DNAH1: variants seen among roughly 807,000 people sequenced by gnomAD.
DNAH1 encodes the protein axonemal beta dynein heavy chain 1.
In DNAH1, 327 loss-of-function variants were observed where a neutral mutation model predicts 484.3. That is an observed-to-expected ratio of 0.68 (90% CI 0.62 to 0.74). DNAH1 has a LOEUF of 0.74. Among genes scored for constraint, DNAH1 ranks in the 30% least tolerant of loss-of-function variants. The pLI is 0.00. For synonymous variants in DNAH1, 2,192 were observed against 2,191.9 expected (o/e 1.00, Z 0.00); for missense variants, 5,052 against 5,546.8 (o/e 0.91, Z 2.83).
intron 52 of DNAH1, 58 bp from the exon 53 acceptor site, chr3:52,384,728 A>C (rs550576020): frequency 6.7e-7 from 1 of 1,485,476 alleles, no homozygotes; most frequent in East Asian, 2.5e-5. Flanking sequence ...GTGGGCACCC[A>C]GTCCCTGTCT....
Position 52,344,499 on chromosome 3 carries a change from G to A in DNAH1, c.1296G>A (p.Glu432=), listed in dbSNP as rs372935195. ...CCATCTCTATGGGCAGGGTTCTAGA[G>A]CACCTCAGCAGTCTTGCCAGAGAAG... ...PRMRKGPSVL[E]HLSSLAREVS... is the part of the protein sequence containing the mutation. The change falls in exon 9 of 78, where the codon GAG becomes GAA. Residue 432 remains glutamate (E), a synonymous_variant. Coordinates refer to ENST00000420323, the MANE Select transcript of DNAH1 (RefSeq NM_015512.5). 2 of 1,613,784 alleles carry A rather than the reference G, an allele frequency of 1.2e-6. No homozygotes were observed. Among genetic ancestry groups the A allele is most frequent in the Non-Finnish European group, 1.7e-6 (2 of 1,179,800 alleles).
chr3:52,397,478 AG>A (rs1316630673), intron 73 of DNAH1, among the ~76,000 whole-genome samples: 1 of 152,106 alleles, frequency 6.6e-6, no homozygotes, highest in East Asian at 1.9e-4. Flanking sequence ...CACTGAATAG[AG>A]GGGCAGGGAA....
In DNAH1 at chr3:52,366,479, G is replaced by A; in HGVS notation, c.5541G>A (p.Gln1847=). The part of the protein sequence containing the change: ...DVEGFLTKCI[Q]LYETTVVRHG... ...CAGGCTTCCTGACAAAGTGCATCCA[G>A]CTCTACGAGACCACGGTGGTACGAC... is the stretch of plus-strand genomic sequence containing the variant. Residue 1847 remains glutamine (Q), a synonymous_variant, in exon 35 of 78, where the codon CAG becomes CAA. Transcript: ENST00000420323. 6.2e-7 allele frequency: 1 copy of A among 1,600,510 alleles called. No individual in the cohort carries two copies.
At chr3:52,400,260 C>G (rs750271858) in intron 77 of DNAH1, 65 bp from the exon 78 acceptor site, 2 of 1,600,214 alleles carry the variant, frequency 1.2e-6, no homozygotes, top group Non-Finnish European at 1.7e-6. Context: ...TGCCCTGCCC[C>G]TACGCTATCC....
chr3:52,345,591 G>A lies in DNAH1; in HGVS notation c.1541G>A (p.Ser514Asn), dbSNP rs1363023463. The stretch of plus-strand genomic sequence containing the variant: ...CGGCCAGAGGTCATCACGGCCCTCA[G>A]CAAGGTGAGGGCCGAGTGCAACAAG... ...LTRPEVITAL[S>N]KVRAECNKVT... Residue 514 changes from serine to asparagine, a missense_variant, in exon 10 of 78, where the codon AGC becomes AAC. Around this residue, in one of 4 missense-constraint regions of DNAH1, gnomAD observed 1,263 missense variants for 1,218.8 expected, o/e 1.04. Transcript: ENST00000420323. The A allele has an allele frequency of 6.2e-7, 1 of 1,604,232 alleles. No individual in the cohort carries two copies. The highest frequency in any genetic ancestry group is 8.5e-7 in the Non-Finnish European group (1 of 1,175,156).
chr3:52,340,296 G>A (rs571105354), intron 8 of DNAH1, among the ~76,000 whole-genome samples: 29 of 151,972 alleles, frequency 1.9e-4, no homozygotes, highest in African/African-American at 7.0e-4. Flanking sequence ...TGCCCAGGCT[G>A]GTCTCGAATT....
chr3:52,326,579 C>T (rs919867379), intron 4 of DNAH1, among the ~76,000 whole-genome samples, 156 bp from the exon 5 acceptor site: 5 of 152,130 alleles, frequency 3.3e-5, no homozygotes, highest in African/African-American at 1.2e-4. Context: ...CCAGCCACCA[C>T]ACCACTTCCT....
rs759836589 is a variant in DNAH1, at chr3:52,353,351, C to G, written c.3227-29C>G. On this transcript the variant is annotated intron_variant, in intron 19 of 77. Coordinates refer to ENST00000420323, the MANE Select transcript of DNAH1 (RefSeq NM_015512.5). This position sits in a 1 kb window ranked among gnomAD's most constrained non-coding sequence, Gnocchi z 5.0. ...CCTCCTCCCTGCCTCTGCCGCCTGCCTCTCATGCGTTTCTGTCTTACCCGG... is the reference window on the plus strand; with the variant it reads ...CCTCCTCCCTGCCTCTGCCGCCTGCGTCTCATGCGTTTCTGTCTTACCCGG... 2 of 1,608,478 alleles carry G rather than the reference C, an allele frequency of 1.2e-6. No homozygotes were observed. The highest frequency in any genetic ancestry group is 1.7e-6 in the Non-Finnish European group (2 of 1,175,904).
In DNAH1 at chr3:52,359,876, G is replaced by T. The variant is rs558053599; in HGVS notation, c.4408-40G>T. 6 of 1,609,290 alleles carry T rather than the reference G, an allele frequency of 3.7e-6. No homozygotes were observed. In the South Asian group the frequency reaches 5.5e-5, roughly 15 times the overall value. ...GTGAAAGGGGAGGGTGAGCCTCCTCGTGGTACCCTGATGTTTGACAGTGCA... is the reference window on the plus strand; with the variant it reads ...GTGAAAGGGGAGGGTGAGCCTCCTCTTGGTACCCTGATGTTTGACAGTGCA... On this transcript the variant is annotated intron_variant, in intron 26 of 77. Transcript: ENST00000420323.
chr3:52,312,881 T>C (rs1166452936), upstream of DNAH1, among the ~76,000 whole-genome samples: 1 of 151,964 alleles, frequency 6.6e-6, no homozygotes, highest in Non-Finnish European at 1.5e-5. Context: ...CTCGATCTCC[T>C]GACCTCGTGA....
intron 12 of DNAH1, among the ~76,000 whole-genome samples, chr3:52,348,301 C>T (rs565437276): frequency 6.6e-6 from 1 of 152,292 alleles, no homozygotes; most frequent in South Asian, 2.1e-4. Flanking sequence ...GTTGGAACTG[C>T]GATCTGAACC....
At chr3:52,391,353 G>C (rs1704371751) in intron 62 of DNAH1, 25 bp downstream of exon 62, 2 of 1,598,768 alleles carry the variant, frequency 1.3e-6, no homozygotes, top group African/African-American at 2.7e-5. Context: ...GTGATGGCAG[G>C]GTGGCAGTAG....
chr3:52,389,627 G>A, intron 60 of DNAH1, 41 bp downstream of exon 60: 1 of 1,375,716 alleles, frequency 7.3e-7, no homozygotes, highest in Non-Finnish European at 9.4e-7. Context: ...CAGGGCCTGT[G>A]GTGTGGTCCA....
chr3:52,390,608 C>T (rs1704328235), intron 60 of DNAH1, among the ~76,000 whole-genome samples: 1 of 152,150 alleles, frequency 6.6e-6, no homozygotes, highest in Non-Finnish European at 1.5e-5. Flanking sequence ...CAAGTGAGCA[C>T]TCAGTAGGCA....
chr3:52,354,860 G>A lies in DNAH1; in HGVS notation c.3498G>A (p.Glu1166=), dbSNP rs1469922825. The A allele has an allele frequency of 1.2e-6, 2 of 1,613,632 alleles. No individual in the cohort carries two copies. The highest frequency in any genetic ancestry group is 2.7e-5 in the African/African-American group (2 of 74,914). ...YAIEQALDKM[E]KEWSTILFNV... is the part of the protein sequence containing the mutation. The stretch of plus-strand genomic sequence containing the variant: ...GACCCCAGGCACTGGACAAGATGGA[G>A]AAGGAGTGGTCGACCATCCTGTTCA... The change falls in exon 21 of 78, where the codon GAG becomes GAA. Residue 1166 remains glutamate (E), a synonymous_variant. Coordinates refer to ENST00000420323, the MANE Select transcript of DNAH1 (RefSeq NM_015512.5).
rs544362608 is a variant in DNAH1, at chr3:52,332,508, A to G, written c.1286+114A>G. On this transcript the variant is annotated intron_variant, in intron 8 of 77. Coordinates refer to ENST00000420323, the MANE Select transcript of DNAH1 (RefSeq NM_015512.5). ...CTCCCTCAGGGCTCATCTGTTTGAGACTGTCCTGGCTATTGCCCTCTGGAC... is the reference window on the plus strand; with the variant it reads ...CTCCCTCAGGGCTCATCTGTTTGAGGCTGTCCTGGCTATTGCCCTCTGGAC... 9.5e-6 allele frequency: 14 copies of G among 1,467,980 alleles called. No homozygotes were observed. The African/African-American group carries it at 1.9e-4, about 20-fold the overall frequency. 90.9% of individuals were successfully genotyped at this position (1,467,980 alleles called of 1,614,324 possible).
chr3:52,347,504 T>C (rs1702191438), intron 11 of DNAH1, among the ~76,000 whole-genome samples: 1 of 152,134 alleles, frequency 6.6e-6, no homozygotes, highest in African/African-American at 2.4e-5. Context: ...GTAGCGAAGA[T>C]GGGAAGCCAA....
Position 52,358,476 on chromosome 3 carries a change from C to A in DNAH1, c.4087-82C>A. On this transcript the variant is annotated intron_variant, in intron 24 of 77. Transcript: ENST00000420323. This position sits in a 1 kb window ranked among gnomAD's most constrained non-coding sequence, Gnocchi z 4.2. ...TCTTCTTGAGGTGGAGGGCACCGGG[C>A]AGGCTTAGCGCTGGGGCTGTGGTGG... The A allele has an allele frequency of 7.1e-7, 1 of 1,409,586 alleles. No homozygotes were observed. The highest frequency in any genetic ancestry group is 1.4e-5 in the South Asian group (1 of 72,014). The allele number at this position is 1,409,586 out of a possible 1,614,324, so 87.3% of individuals were successfully genotyped here.
chr3:52,341,953 A>C (rs1701956232), intron 8 of DNAH1, among the ~76,000 whole-genome samples: 1 of 152,202 alleles, frequency 6.6e-6, no homozygotes, highest in African/African-American at 2.4e-5. Context: ...GGCCAGAAAG[A>C]CAGACAATGA....
Sources: allele counts gnomAD v4.1 joint callset (sites outside exome capture counted in the v4.1 genomes callset), GRCh38; gene constraint gnomAD v4.1.1; regional missense constraint gnomAD v4.1.1; non-coding constraint Gnocchi (gnomAD v3.1); transcripts MANE v1.5; gene names NCBI Gene and HGNC (gene_info 2026-07-23, HGNC 2026-07-21).